Variants in MPPED2 observed in about 807,000 individuals in gnomAD.
MPPED2 encodes the protein metallophosphoesterase domain containing 2.
In MPPED2, 5 loss-of-function variants were observed where a neutral mutation model predicts 33.0. That is an observed-to-expected ratio of 0.15 (90% CI 0.08 to 0.32). The LOEUF is 0.32. Among genes scored for constraint, MPPED2 ranks in the 10% least tolerant of loss-of-function variants. The pLI, the probability that MPPED2 is intolerant of heterozygous loss-of-function variation, is 1.00. For synonymous variants in MPPED2, 136 were observed against 141.9 expected (o/e 0.96, Z 0.29); for missense variants, 275 against 372.1 (o/e 0.74, Z 2.15).
intron 4 of MPPED2, among the ~76,000 whole-genome samples, chr11:30,492,641 T>C (rs1952033937): frequency 6.6e-6 from 1 of 152,116 alleles, no homozygotes; most frequent in Non-Finnish European, 1.5e-5. Context: ...TTGACAGGAC[T>C]GATTTCTGCT....
intron 4 of MPPED2, among the ~76,000 whole-genome samples, chr11:30,459,938 G>A (rs971116513): frequency 5.3e-5 from 8 of 152,194 alleles, no homozygotes; most frequent in African/African-American, 1.9e-4. Flanking sequence ...GAGGCAAACA[G>A]CAGCAAGGAG....
rs560183172 is a variant in MPPED2, at chr11:30,580,467, A to T, written c.-94T>A. 2 of 1,547,042 alleles carry T rather than the reference A, an allele frequency of 1.3e-6. No homozygotes were observed. Among genetic ancestry groups the T allele is most frequent in the East Asian group, 2.3e-5 (1 of 43,966 alleles). ...TTTCAGCCAACCTCTGAATCCAAGGATCTACTCATCAATACCGCTGTGCAT... is the reference window on the plus strand; with the variant it reads ...TTTCAGCCAACCTCTGAATCCAAGGTTCTACTCATCAATACCGCTGTGCAT... On this transcript the variant is annotated 5_prime_UTR_variant, in exon 2 of 7. Coordinates refer to ENST00000358117, the MANE Select transcript of MPPED2 (RefSeq NM_001584.3).
chr11:30,547,109 T>G (rs1264851831), intron 2 of MPPED2, among the ~76,000 whole-genome samples: 2 of 152,218 alleles, frequency 1.3e-5, no homozygotes, highest in Non-Finnish European at 2.9e-5. Context: ...ATGGGTTGAC[T>G]TGCCCAAGAT....
In MPPED2 at chr11:30,557,437, G is replaced by A. The variant is rs936382547; in HGVS notation, c.129-21262C>T. Among the ~76,000 whole-genome samples the A allele has an allele frequency of 3.3e-5, 5 of 152,042 alleles. 1 individual carries two copies. The highest frequency in any genetic ancestry group is 1.3e-4 in the Admixed American group (2 of 15,282). On this transcript the variant is annotated intron_variant, in intron 2 of 6. Coordinates refer to ENST00000358117, the MANE Select transcript of MPPED2 (RefSeq NM_001584.3). ...ATTTATTCATGACTCATGATAGCTCGAAAGCAGCTATTATGTCAAGGCAAA... is the reference window on the plus strand; with the variant it reads ...ATTTATTCATGACTCATGATAGCTCAAAAGCAGCTATTATGTCAAGGCAAA...
chr11:30,566,243 C>T (rs562617214), intron 2 of MPPED2, among the ~76,000 whole-genome samples: 2 of 152,218 alleles, frequency 1.3e-5, no homozygotes, highest in African/African-American at 2.4e-5. Flanking sequence ...CAAATATGAT[C>T]AATAAGTGAG....
rs1193524768 is a variant in MPPED2 at position 30,443,160 on chromosome 11, T to C, written c.537-25527A>G. The stretch of plus-strand genomic sequence containing the variant: ...TTCTCCATCCACTCTGCTGGGAACC[T>C]AGTGGGAAATGCTACTTTAAAAAAA... On this transcript the variant is annotated intron_variant, in intron 4 of 6. Transcript: ENST00000358117. 2.0e-5 allele frequency among the ~76,000 whole-genome samples: 3 copies of C among 152,054 alleles called. No homozygotes were observed. The East Asian group carries it at 5.8e-4, about 29-fold the overall frequency.
intron 3 of MPPED2, among the ~76,000 whole-genome samples, chr11:30,530,168 G>A (rs1460567774): frequency 6.6e-6 from 1 of 152,098 alleles, no homozygotes; most frequent in African/African-American, 2.4e-5. Flanking sequence ...TTTCTGCACA[G>A]TATATAGGAA....
chr11:30,577,376 T>C (rs1956976287), intron 2 of MPPED2, among the ~76,000 whole-genome samples: 1 of 151,956 alleles, frequency 6.6e-6, no homozygotes, highest in Non-Finnish European at 1.5e-5. Context: ...CTGTCAGGGG[T>C]CTTCAGAAAT....
intron 4 of MPPED2, among the ~76,000 whole-genome samples, chr11:30,473,434 A>C (rs557201042): frequency 7.9e-5 from 12 of 152,272 alleles, no homozygotes; most frequent in African/African-American, 2.9e-4. Flanking sequence ...TCCATGATTT[A>C]AGGCTCTCAA....
chr11:30,440,353 T>C (rs1260501143), intron 4 of MPPED2, among the ~76,000 whole-genome samples: 6 of 151,152 alleles, frequency 4.0e-5, no homozygotes, highest in Non-Finnish European at 8.8e-5. Flanking sequence ...AAAGTTTTAC[T>C]GGGACACAGC....
rs1417305495 is a variant in MPPED2 at position 30,536,186 on chromosome 11, C to T, written c.129-11G>A. 15 of 1,568,570 alleles carry T rather than the reference C, an allele frequency of 9.6e-6. No homozygotes were observed. The highest frequency in any genetic ancestry group is 1.3e-5 in the Non-Finnish European group (15 of 1,160,076). ...GGGATGGGGTCGACCCTAAAGTAGA[C>T]ATAACAGATCCCATAACAGTTAAAC... On this transcript the variant is annotated splice_polypyrimidine_tract_variant and intron_variant, in intron 2 of 6. Transcript: ENST00000358117.
chr11:30,452,192 T>C, intron 4 of MPPED2: 1 of 631,124 alleles, frequency 1.6e-6, no homozygotes. Flanking sequence ...CCAAACAGAA[T>C]CCTCCCTGCA....
chr11:30,423,966 G>A (rs889868630), intron 4 of MPPED2, among the ~76,000 whole-genome samples: 2 of 152,120 alleles, frequency 1.3e-5, no homozygotes, highest in African/African-American at 2.4e-5. Context: ...GATTTCCTCT[G>A]GCTGATTACT....
chr11:30,561,248 G>A (rs562996218), intron 2 of MPPED2, among the ~76,000 whole-genome samples: 30 of 152,264 alleles, frequency 2.0e-4, no homozygotes, highest in Non-Finnish European at 3.5e-4. Context: ...TCTGCACAAT[G>A]TGTATTTTAT....
exon 7 of MPPED2, chr11:30,386,691 G>A (rs12797813): frequency 0.052 from 20,672 of 398,302 alleles, 676 homozygotes; most frequent in Non-Finnish European, 0.069. Flanking sequence ...CAAATCAGAT[G>A]AACTTCAGTA....
At chr11:30,458,267 T>G (rs1406677391) in intron 4 of MPPED2, among the ~76,000 whole-genome samples, 1 of 152,188 alleles carries the variant, frequency 6.6e-6, no homozygotes, top group African/African-American at 2.4e-5. Flanking sequence ...AAAGAAACAC[T>G]GAGATCAGAG....
intron 2 of MPPED2, among the ~76,000 whole-genome samples, chr11:30,546,195 T>C (rs1404938240): frequency 6.6e-6 from 1 of 152,234 alleles, no homozygotes; most frequent in Non-Finnish European, 1.5e-5. Flanking sequence ...TGCCTAAAAC[T>C]ATTATTTTAA....
At chr11:30,551,712 A>G (rs1331344973) in intron 2 of MPPED2, among the ~76,000 whole-genome samples, 1 of 152,230 alleles carries the variant, frequency 6.6e-6, no homozygotes, top group African/African-American at 2.4e-5. Flanking sequence ...ACTCCCCAGC[A>G]AACTTTATGA....
At chr11:30,448,996 A>G (rs1332110020) in intron 4 of MPPED2, among the ~76,000 whole-genome samples, 1 of 152,162 alleles carries the variant, frequency 6.6e-6, no homozygotes, top group African/African-American at 2.4e-5. Context: ...TTTCCTTCAT[A>G]GTACTTACCA....
Sources: gnomAD v4.1 joint callset for allele counts (sites outside exome capture counted in the v4.1 genomes callset) on GRCh38, gnomAD v4.1.1 for gene constraint, MANE v1.5 for transcripts, NCBI Gene and HGNC (gene_info 2026-07-23, HGNC 2026-07-21) for gene names.